The following PCDHA13 variants were observed in gnomAD, a reference collection of about 807,000 sequenced individuals.
The protein encoded by PCDHA13 is protocadherin alpha-13.
PCDHA13 carries 54 observed loss-of-function variants against 64.8 expected under a neutral mutation model. The ratio of observed to expected loss-of-function variants is 0.83; its 90% CI spans 0.67 to 1.04. PCDHA13 has a LOEUF of 1.04. Ranked by LOEUF, PCDHA13 falls within the 50% of genes least tolerant of loss-of-function variation. The pLI is 0.00. For missense variants in PCDHA13, 1,248 were observed against 1,254.3 expected (o/e 0.99, Z 0.08); for synonymous variants, 587 against 564.4 (o/e 1.04, Z -0.57).
chr5:140,941,214 C>CTTTCT (rs1554214039), intron 1 of PCDHA13, among the ~76,000 whole-genome samples: 174 of 122,492 alleles, frequency 1.4e-3, no homozygotes, highest in African/African-American at 5.3e-3. Flanking sequence ...TTTCTTTCTT[C>CTTTCT]CTTTCTTTCT....
intron 1 of PCDHA13, among the ~76,000 whole-genome samples, chr5:140,921,524 T>C (rs2080251541): frequency 6.6e-6 from 1 of 152,164 alleles, no homozygotes; most frequent in South Asian, 2.1e-4. Flanking sequence ...GAAATAAAAA[T>C]CTGCTGATAG....
At chr5:140,989,319 A>G (rs1291622013) in intron 3 of PCDHA13, among the ~76,000 whole-genome samples, 1 of 152,138 alleles carries the variant, frequency 6.6e-6, no homozygotes, top group Admixed American at 6.5e-5. Context: ...GGGTCTCACC[A>G]ACTTTGCCAC....
intron 1 of PCDHA13, among the ~76,000 whole-genome samples, chr5:140,922,043 C>T (rs1305034895): frequency 6.6e-6 from 1 of 152,068 alleles, no homozygotes; most frequent in East Asian, 1.9e-4. Flanking sequence ...AATTTTCCCA[C>T]ATACCTTCAA....
At chr5:140,968,508 A>C (rs977964716) in intron 1 of PCDHA13, 1 of 1,613,950 alleles carries the variant, frequency 6.2e-7, no homozygotes, top group African/African-American at 1.3e-5. Context: ...CACATTCTGT[A>C]CCCTACCTCA....
At chr5:141,008,923 C>T (rs2098394604) in intron 3 of PCDHA13, among the ~76,000 whole-genome samples, 1 of 152,160 alleles carries the variant, frequency 6.6e-6, no homozygotes. Flanking sequence ...ATTTATTCAG[C>T]TAATTTTTCT....
At chr5:140,918,237 T>C (rs2078587640) in intron 1 of PCDHA13, among the ~76,000 whole-genome samples, 2 of 152,240 alleles carry the variant, frequency 1.3e-5, no homozygotes, top group Admixed American at 1.3e-4. Context: ...TGTACATTGA[T>C]TTTGTATGCT....
chr5:140,898,965 G>T (rs2067069000), intron 1 of PCDHA13, among the ~76,000 whole-genome samples: 1 of 152,044 alleles, frequency 6.6e-6, no homozygotes, highest in Non-Finnish European at 1.5e-5. Flanking sequence ...GTGAATGGGA[G>T]TTCACTCATG....
At chr5:140,966,882 C>T (rs782464160) in intron 1 of PCDHA13, 1 of 1,589,690 alleles carries the variant, frequency 6.3e-7, no homozygotes, top group Admixed American at 1.7e-5. Flanking sequence ...CTACCTGGCC[C>T]TGCGGCCTCC....
At position 140,883,121 on chromosome 5, in the gene PCDHA13, G is replaced by A; in HGVS notation, c.853G>A (p.Val285Ile). Residue 285 changes from valine to isoleucine, a missense_variant, in exon 1 of 4, where the codon GTA (valine) becomes ATA (isoleucine). Val to Ile is a conservative substitution (Grantham distance 29). Coordinates refer to ENST00000289272, the MANE Select transcript of PCDHA13 (RefSeq NM_018904.3). ...TATAGTTTACTCATTTAGAAGGCCT[G>A]TATGGCCTGCAGTGGTATATGCATT... ...GDIVYSFRRP[V>I]WPAVVYAFTI... The A allele has an allele frequency of 1.9e-6, 3 of 1,614,070 alleles. No individual in the cohort carries two copies. The highest frequency in any genetic ancestry group is 2.5e-6 in the Non-Finnish European group (3 of 1,180,004).
intron 1 of PCDHA13, among the ~76,000 whole-genome samples, chr5:140,951,543 C>A (rs246041): frequency 1.3e-5 from 2 of 151,428 alleles, no homozygotes; most frequent in South Asian, 2.1e-4. Flanking sequence ...GAGCAAGGGA[C>A]GGGGGGAAGT....
chr5:140,945,455 A>G (rs2093793181), intron 1 of PCDHA13, among the ~76,000 whole-genome samples: 1 of 152,192 alleles, frequency 6.6e-6, no homozygotes, highest in African/African-American at 2.4e-5. Flanking sequence ...AACTTCCCTA[A>G]AATTTGCATG....
chr5:140,889,766 A>T (rs2062380294), intron 1 of PCDHA13, among the ~76,000 whole-genome samples: 1 of 152,064 alleles, frequency 6.6e-6, no homozygotes, highest in Non-Finnish European at 1.5e-5. Flanking sequence ...TTGAACTTTG[A>T]CTGGTCTTAA....
intron 1 of PCDHA13, among the ~76,000 whole-genome samples, chr5:140,933,901 C>T (rs1218971055): frequency 4.0e-5 from 6 of 151,882 alleles, no homozygotes; most frequent in African/African-American, 1.2e-4. Context: ...AATATTTTGG[C>T]ATAAAGTTGT....
chr5:140,892,733 C>G lies in PCDHA13; in HGVS notation c.2394+8071C>G, dbSNP rs183181952. Reference sequence around the variant, plus strand: ...CATATTCATAATCTCAAACATTTACCATTTTTGCATGGTGAACATTTAAAA... The same window carrying G: ...CATATTCATAATCTCAAACATTTACGATTTTTGCATGGTGAACATTTAAAA... On this transcript the variant is annotated intron_variant, in intron 1 of 3. Coordinates refer to ENST00000289272, the MANE Select transcript of PCDHA13 (RefSeq NM_018904.3). Among the ~76,000 whole-genome samples the G allele has an allele frequency of 8.1e-4, 123 of 152,172 alleles. No individual in the cohort carries two copies. In the Middle Eastern group the frequency reaches 0.02, roughly 25 times the overall value.
At position 140,883,283 on chromosome 5, in the gene PCDHA13, G is replaced by C. The variant is rs782514861; in HGVS notation, c.1015G>C (p.Glu339Gln). The change falls in exon 1 of 4, where the codon GAA (glutamate) becomes CAA (glutamine). Residue 339 changes from glutamate to glutamine, a missense_variant. Coordinates refer to ENST00000289272, the MANE Select transcript of PCDHA13 (RefSeq NM_018904.3). ...PMAGHCTLLV[E>Q]VLDVNDNAPE... The stretch of plus-strand genomic sequence containing the variant: ...GGCGGGTCATTGTACCCTTTTGGTG[G>C]AAGTACTAGATGTAAATGATAACGC... 1.2e-6 allele frequency: 2 copies of C among 1,613,916 alleles called. No individual in the cohort carries two copies. The highest frequency in any genetic ancestry group is 1.7e-5 in the Admixed American group (1 of 59,970).
intron 3 of PCDHA13, among the ~76,000 whole-genome samples, chr5:141,004,948 C>T (rs1356526927): frequency 6.6e-6 from 1 of 152,236 alleles, no homozygotes; most frequent in African/African-American, 2.4e-5. Context: ...TTCTTACCCT[C>T]TCTCGTCACT....
rs1440009442 is a variant in PCDHA13, at chr5:140,964,448, A to G, written c.2395-14501A>G. Among the ~76,000 whole-genome samples the G allele has an allele frequency of 3.3e-5, 5 of 152,212 alleles. No homozygotes were observed. The South Asian group carries it at 8.3e-4, about 25-fold the overall frequency. On this transcript the variant is annotated intron_variant, in intron 1 of 3. Transcript: ENST00000289272. ...AAAATTACCAAGCCTCTGCCACTGT[A>G]ATCTCTTCCTTAAGTGCCTATGATT...
chr5:140,930,044 A>G (rs1416118719), intron 1 of PCDHA13: 1 of 152,194 alleles, frequency 6.6e-6, no homozygotes, highest in African/African-American at 2.4e-5. Context: ...ACTGCTTTGG[A>G]GTTTTTGCTT....
At chr5:140,969,556 C>A in intron 1 of PCDHA13, 1 of 1,210,690 alleles carries the variant, frequency 8.3e-7, no homozygotes, top group Non-Finnish European at 1.1e-6. Flanking sequence ...AAGCCTTGTC[C>A]ATAAAATTGT....
Sources: allele counts gnomAD v4.1 joint callset (sites outside exome capture counted in the v4.1 genomes callset), GRCh38; gene constraint gnomAD v4.1.1; transcripts MANE v1.5; gene names NCBI Gene and HGNC (gene_info 2026-07-23, HGNC 2026-07-21).